Variants in ZNF518A observed in about 807,000 individuals in gnomAD.
ZNF518A encodes the protein zinc finger protein 518.
Under a neutral mutation model 102.7 loss-of-function variants are expected in ZNF518A, and 47 were observed. That is an observed-to-expected ratio of 0.46 (90% CI 0.36 to 0.58). The LOEUF (loss-of-function observed/expected upper bound fraction) is 0.58, where lower values mean the gene tolerates loss of function less well. Among genes scored for constraint, ZNF518A ranks in the 20% least tolerant of loss-of-function variants. ZNF518A has a pLI of 0.00. For synonymous variants in ZNF518A, 652 were observed against 594.6 expected, an observed-to-expected ratio of 1.10 and a Z score of -1.40; for missense variants, 1,793 against 1,699.8, an observed-to-expected ratio of 1.05 and a Z score of -0.96.
intron 4 of ZNF518A, chr10:96,155,624 G>GATAC (rs2082661246): frequency 6.6e-6 from 1 of 152,170 alleles, no homozygotes; most frequent in Non-Finnish European, 1.5e-5. Flanking sequence ...ATGATAAGCA[G>GATAC]ATACCGTCTT....
At chr10:96,144,016 C>T (rs1036000925) in intron 3 of ZNF518A, among the ~76,000 whole-genome samples, 4 of 152,092 alleles carry the variant, frequency 2.6e-5, no homozygotes, top group South Asian at 4.1e-4. Context: ...AGACAGGTCT[C>T]GCTGTGTCAC....
downstream of ZNF518A, among the ~76,000 whole-genome samples, chr10:96,165,611 A>G (rs1402903974): frequency 6.6e-6 from 1 of 151,714 alleles, no homozygotes; most frequent in Non-Finnish European, 1.5e-5. Flanking sequence ...CCCTACCCCC[A>G]TTACCCTCTT....
chr10:96,173,094 G>T (rs916714971), intron 1 of ZNF518A, among the ~76,000 whole-genome samples: 4 of 152,126 alleles, frequency 2.6e-5, no homozygotes, highest in Admixed American at 2.0e-4. Flanking sequence ...GTAATCTGGA[G>T]ATTAAAATAT....
At chr10:96,196,543 G>C (rs1288678322) in intron 1 of ZNF518A, among the ~76,000 whole-genome samples, 1 of 152,156 alleles carries the variant, frequency 6.6e-6, no homozygotes, top group Non-Finnish European at 1.5e-5. Context: ...TACTTGAGTT[G>C]AGATTTTAGG....
rs782016709 is a variant in ZNF518A, at chr10:96,137,582, T to G, written c.-302+3934T>G. The stretch of plus-strand genomic sequence containing the variant: ...ATCCCTTATCCAGTAAACATTTTCT[T>G]CATTTTGCTTTGAGGATACCACATT... On this transcript the variant is annotated intron_variant, in intron 3 of 5. Coordinates refer to ENST00000316045, the MANE Select transcript of ZNF518A (RefSeq NM_001330736.2). Among the ~76,000 whole-genome samples the G allele has an allele frequency of 4.6e-4, 70 of 152,356 alleles. 1 individual carries two copies. The highest frequency in any genetic ancestry group is 1.7e-3 in the Admixed American group (26 of 15,308).
intron 3 of ZNF518A, 145 bp from the exon 4 acceptor site, chr10:96,155,181 C>T (rs1472487471): frequency 1.3e-5 from 2 of 152,116 alleles, no homozygotes; most frequent in Non-Finnish European, 2.9e-5. Context: ...ATGTCCCATA[C>T]GTGGTAATCA....
chr10:96,193,409 A>T (rs1554893962), intron 1 of ZNF518A, among the ~76,000 whole-genome samples: 2 of 152,224 alleles, frequency 1.3e-5, no homozygotes, highest in African/African-American at 4.8e-5. Context: ...GGATTGCTGT[A>T]CTTATACAAA....
At chr10:96,137,729 G>C (rs782411271) in intron 3 of ZNF518A, among the ~76,000 whole-genome samples, 7 of 152,032 alleles carry the variant, frequency 4.6e-5, no homozygotes, top group Non-Finnish European at 8.8e-5. Flanking sequence ...TGCTCTTTTT[G>C]TTTATTCCCC....
intron 1 of ZNF518A, among the ~76,000 whole-genome samples, chr10:96,169,521 T>G (rs2083161476): frequency 6.6e-6 from 1 of 152,236 alleles, no homozygotes; most frequent in Admixed American, 6.5e-5. Context: ...GTTCTTTTAA[T>G]AATTTCTATC....
At position 96,156,635 on chromosome 10, in the gene ZNF518A, G is replaced by T; in HGVS notation, c.313G>T (p.Ala105Ser). The T allele has an allele frequency of 6.2e-7, 1 of 1,613,872 alleles. No individual in the cohort carries two copies. Among genetic ancestry groups the T allele is most frequent in the Non-Finnish European group, 8.5e-7 (1 of 1,179,800 alleles). ...TACATTGCTTCATAAGTCTGAGAGA[G>T]CTGAAGAAGAGGGTGTAAAAATGTC... is the stretch of plus-strand genomic sequence containing the variant. ...ECTLLHKSERAEEEGVKMSAK... is the reference protein window; with the variant it reads ...ECTLLHKSERSEEEGVKMSAK... The change falls in exon 6 of 6, where the codon GCT becomes TCT. Residue 105 changes from alanine to serine, a missense_variant. By Grantham distance (99) the Ala-to-Ser change is moderately conservative. Transcript: ENST00000316045.
Position 96,158,426 on chromosome 10 carries a change from C to G in ZNF518A, c.2104C>G (p.Leu702Val). Residue 702 changes from leucine to valine, a missense_variant, in exon 6 of 6, where the codon CTT (leucine) becomes GTT (valine). By Grantham distance (32) the Leu-to-Val change is conservative. This residue lies in a region of ZNF518A where 1,741 missense variants were observed against 1,622.6 expected (regional missense o/e 1.07). Coordinates refer to ENST00000316045, the MANE Select transcript of ZNF518A (RefSeq NM_001330736.2). Reference protein sequence around the residue: ...KPDSLLASISLLNDKDGTLKA... With the variant: ...KPDSLLASISVLNDKDGTLKA... Reference sequence around the variant, plus strand: ...AGATAGCCTATTAGCATCTATTAGCCTTTTAAATGATAAAGATGGAACTTT... The same window carrying G: ...AGATAGCCTATTAGCATCTATTAGCGTTTTAAATGATAAAGATGGAACTTT... 1.2e-6 allele frequency: 2 copies of G among 1,613,120 alleles called. No homozygotes were observed. The highest frequency in any genetic ancestry group is 1.7e-6 in the Non-Finnish European group (2 of 1,179,636).
chr10:96,138,743 G>T (rs1441643665), intron 3 of ZNF518A, among the ~76,000 whole-genome samples: 1 of 152,130 alleles, frequency 6.6e-6, no homozygotes, highest in Non-Finnish European at 1.5e-5. Flanking sequence ...ACGTAGATGT[G>T]GTGCTAGCTA....
At chr10:96,193,264 CATA>C (rs2083373334) in intron 1 of ZNF518A, among the ~76,000 whole-genome samples, 1 of 152,118 alleles carries the variant, frequency 6.6e-6, no homozygotes, top group Non-Finnish European at 1.5e-5. Flanking sequence ...GCTTGTTTGG[CATA>C]ATATGTTGCT....
intron 2 of ZNF518A, chr10:96,132,888 A>G (rs782572255): frequency 6.6e-6 from 1 of 152,152 alleles, no homozygotes; most frequent in Non-Finnish European, 1.5e-5. Flanking sequence ...CAACTGGTAT[A>G]ATGCAAATAC....
chr10:96,130,114 G>C (rs1414916), upstream of ZNF518A: 7,798 of 152,806 alleles, frequency 0.051, 277 homozygotes, highest in Middle Eastern at 0.084. Flanking sequence ...TGGGTACTAC[G>C]ACAGGTATTC....
At chr10:96,131,728 A>G (rs587600133) in intron 1 of ZNF518A, among the ~76,000 whole-genome samples, 11 of 152,348 alleles carry the variant, frequency 7.2e-5, no homozygotes, top group African/African-American at 2.6e-4. Context: ...CACTGTGTGC[A>G]TTGATAATGT....
At chr10:96,142,305 GGTGTGTGT>G (rs60624825) in intron 3 of ZNF518A, among the ~76,000 whole-genome samples, 7,777 of 103,964 alleles carry the variant, frequency 0.075, 341 homozygotes, top group African/African-American at 0.14. Context: ...ATATTCTTAG[GGTGTGTGT>G]GTGTGTGTGT....
At position 96,156,816 on chromosome 10, in the gene ZNF518A, T is replaced by G. The variant is rs1554882774; in HGVS notation, c.494T>G (p.Phe165Cys). Residue 165 changes from phenylalanine (F) to cysteine (C), a missense_variant, in exon 6 of 6, where the codon TTT becomes TGT. Around this residue, in one of 3 missense-constraint regions of ZNF518A, gnomAD observed 1,741 missense variants for 1,622.6 expected, o/e 1.07. Transcript: ENST00000316045. ...TTTTCAGCAAATGACTTTCAGGTAT[T>G]TAAACAACACAGACGAACCCATAGA... The part of the protein sequence containing the change: ...CNFSANDFQV[F>C]KQHRRTHRST... 9 of 1,613,936 alleles carry G rather than the reference T, an allele frequency of 5.6e-6. No homozygotes were observed. The highest frequency in any genetic ancestry group is 6.8e-6 in the Non-Finnish European group (8 of 1,179,832).
rs1296867338 is a variant in ZNF518A at position 96,155,989 on chromosome 10, A to AGC, written c.-184_-183dup. 6.2e-6 allele frequency: 1 copy of AGC among 161,642 alleles called. No individual in the cohort carries two copies. The highest frequency in any genetic ancestry group is 1.3e-5 in the Non-Finnish European group (1 of 74,730). The allele number at this position is 161,642 out of a possible 1,614,324, so 10.0% of individuals were successfully genotyped here. A position where few individuals can be genotyped will look rare whatever the true frequency, so the allele number is the denominator to read the frequency against. On this transcript the variant is annotated 5_prime_UTR_variant, in exon 5 of 6. An upstream open reading frame in the 5' UTR loses its in-frame stop. Transcript: ENST00000316045. The stretch of plus-strand genomic sequence containing the variant: ...GGTCACACAGCAGAGCTGGAACTAG[A>AGC]GCTTGCATTTCCTGACTTCCAGATT...
Sources: gnomAD v4.1 joint callset for allele counts (sites outside exome capture counted in the v4.1 genomes callset) on GRCh38, gnomAD v4.1.1 for gene constraint, gnomAD v4.1.1 regional missense constraint, MANE v1.5 for transcripts, NCBI Gene and HGNC (gene_info 2026-07-23, HGNC 2026-07-21) for gene names.